The following TRIP11 variants were observed in gnomAD, a reference collection of about 807,000 sequenced individuals.
TRIP11 encodes thyroid hormone receptor interactor 11.
TRIP11 carries 148 observed loss-of-function variants against 223.1 expected under a neutral mutation model. The observed-to-expected ratio is 0.66, with a 90% confidence interval of 0.58 to 0.76. The LOEUF (loss-of-function observed/expected upper bound fraction) is 0.76. TRIP11 is among the 30% of genes least tolerant of loss of function. The pLI is 0.00. For missense variants in TRIP11, 2,043 were observed against 2,222.0 expected (o/e 0.92, Z 1.62); for synonymous variants, 762 against 772.6 (o/e 0.99, Z 0.23).
chr14:92,018,960 C>CAAAAA (rs567152333), intron 4 of TRIP11, among the ~76,000 whole-genome samples: 44 of 70,832 alleles, frequency 6.2e-4, no homozygotes, highest in Admixed American at 8.3e-4. Context: ...GACTCCATCT[C>CAAAAA]AAAAAAAAAA....
chr14:92,014,394 T>C lies in TRIP11; in HGVS notation c.1007A>G (p.Gln336Arg), dbSNP rs1185050739. The C allele has an allele frequency of 6.2e-7, 1 of 1,613,592 alleles. No individual in the cohort carries two copies. The change falls in exon 7 of 21, where the codon CAA (glutamine) becomes CGA (arginine). Residue 336 changes from glutamine (Q) to arginine (R), a missense_variant. Gln to Arg is a conservative substitution (Grantham distance 43). Coordinates refer to ENST00000267622, the MANE Select transcript of TRIP11 (RefSeq NM_004239.4). The stretch of plus-strand genomic sequence containing the variant: ...TCTCTTTTCCACATTTAGCTGTTCT[T>C]GTTCTCTCCTCAAAATATCTCTGTC... ...ENDRDILRREQEQLNVEKRQI... is the reference protein window; with the variant it reads ...ENDRDILRREREQLNVEKRQI...
intron 16 of TRIP11, among the ~76,000 whole-genome samples, chr14:91,980,327 A>G (rs538579707): frequency 6.6e-6 from 1 of 152,326 alleles, no homozygotes; most frequent in African/African-American, 2.4e-5. Context: ...AGTCATTTGG[A>G]TATTTCATGA....
At chr14:91,990,352 G>C (rs1346242624) in intron 15 of TRIP11, among the ~76,000 whole-genome samples, 3 of 151,920 alleles carry the variant, frequency 2.0e-5, no homozygotes, top group Non-Finnish European at 2.9e-5. Flanking sequence ...TCAGCATTTA[G>C]ATTTTGTTAT....
At chr14:91,992,569 G>A (rs931721525) in intron 15 of TRIP11, among the ~76,000 whole-genome samples, 1 of 152,054 alleles carries the variant, frequency 6.6e-6, no homozygotes, top group Non-Finnish European at 1.5e-5. Flanking sequence ...CTAATGTCAG[G>A]TAAATGAATT....
At chr14:92,024,186 T>C (rs1415995116) in intron 3 of TRIP11, among the ~76,000 whole-genome samples, 1 of 152,136 alleles carries the variant, frequency 6.6e-6, no homozygotes, top group Non-Finnish European at 1.5e-5. Context: ...AAGACCAGCC[T>C]GGCCAACGTG....
chr14:92,009,922 A>G (rs74073683), intron 9 of TRIP11, among the ~76,000 whole-genome samples: 2,014 of 152,346 alleles, frequency 0.013, 30 homozygotes, highest in African/African-American at 0.045. Context: ...CCACAGAGGT[A>G]CAAAAGATAC....
chr14:92,018,960 C>CAAAAAAAAAAA (rs567152333), intron 4 of TRIP11, among the ~76,000 whole-genome samples: 6 of 70,878 alleles, frequency 8.5e-5, no homozygotes, highest in African/African-American at 9.6e-5. Flanking sequence ...GACTCCATCT[C>CAAAAAAAAAAA]AAAAAAAAAA....
chr14:91,984,138 G>A (rs1220599367), intron 16 of TRIP11, among the ~76,000 whole-genome samples: 1 of 151,778 alleles, frequency 6.6e-6, no homozygotes, highest in Admixed American at 6.6e-5. Flanking sequence ...TCAGATACAG[G>A]TATAAACTAG....
chr14:92,007,531 G>A, intron 10 of TRIP11, 109 bp downstream of exon 10: 1 of 1,203,286 alleles, frequency 8.3e-7, no homozygotes. Flanking sequence ...TTACCAAAAA[G>A]GTTTGTCAAT....
At chr14:92,015,457 G>A (rs1030469613) in intron 6 of TRIP11, among the ~76,000 whole-genome samples, 1 of 151,928 alleles carries the variant, frequency 6.6e-6, no homozygotes, top group African/African-American at 2.4e-5. Context: ...TCACGAGTTT[G>A]GGACCAGCCT....
rs2056349271 is a variant in TRIP11 at position 91,967,135 on chromosome 14, C to CTTTTTTTTTTTTTTTTTTTTTTATT, written c.*2537_*2538insAATAAAAAAAAAAAAAAAAAAAAAA. The CTTTTTTTTTTTTTTTTTTTTTTATT allele has an allele frequency of 1.2e-5, 1 of 85,354 alleles. No homozygotes were observed. Among genetic ancestry groups the CTTTTTTTTTTTTTTTTTTTTTTATT allele is most frequent in the Non-Finnish European group, 2.1e-5 (1 of 47,996 alleles). 5.3% of individuals were successfully genotyped at this position (85,354 alleles called of 1,614,324 possible). A position where few individuals can be genotyped will look rare whatever the true frequency, so the allele number is the denominator to read the frequency against. On this transcript the variant is annotated 3_prime_UTR_variant, in exon 21 of 21. Coordinates refer to ENST00000267622, the MANE Select transcript of TRIP11 (RefSeq NM_004239.4). ...ACAATGAAAACATTAGGTACTATAGCTTTTTTTTTTTTTTTTTTTTTTTTG... is the reference window on the plus strand; with the variant it reads ...ACAATGAAAACATTAGGTACTATAGCTTTTTTTTTTTTTTTTTTTTTTATTTTTTTTTTTTTTTTTTTTTTTTTTG...
At position 92,010,597 on chromosome 14, in the gene TRIP11, A is replaced by G. The variant is rs574652915; in HGVS notation, c.1314+389T>C. Among the ~76,000 whole-genome samples the G allele has an allele frequency of 9.9e-5, 15 of 152,230 alleles. No homozygotes were observed. The South Asian group carries it at 1.9e-3, about 19-fold the overall frequency. ...TTGCTCTTTATGCCTCACCACTAAG[A>G]AAGTACTGTCCACCAAAATGGACAC... On this transcript the variant is annotated intron_variant, in intron 9 of 20. Transcript: ENST00000267622.
At chr14:91,986,592 C>A (rs1167781407) in intron 16 of TRIP11, among the ~76,000 whole-genome samples, 1 of 152,146 alleles carries the variant, frequency 6.6e-6, no homozygotes, top group Admixed American at 6.5e-5. Context: ...TTGGGAATTA[C>A]TTAGGTAGGT....
chr14:92,015,450 C>G (rs1174098305), intron 6 of TRIP11, among the ~76,000 whole-genome samples: 2 of 151,858 alleles, frequency 1.3e-5, no homozygotes, highest in African/African-American at 4.8e-5. Context: ...CCCGAGATCA[C>G]GAGTTTGGGA....
Position 92,000,021 on chromosome 14 carries a change from C to A in TRIP11, c.4645G>T (p.Val1549Phe), listed in dbSNP as rs1050073683. ...TGTTTTTGTTTCAGGGCCAACATGACTTGGTCTCTCTCCTGTTGAAACACA... is the reference window on the plus strand; with the variant it reads ...TGTTTTTGTTTCAGGGCCAACATGAATTGGTCTCTCTCCTGTTGAAACACA... Reference protein sequence around the residue: ...TVVFQQERDQVMLALKQKQME... With the variant: ...TVVFQQERDQFMLALKQKQME... Residue 1549 changes from valine to phenylalanine, a missense_variant, in exon 12 of 21, where the codon GTC becomes TTC. By Grantham distance (50) the Val-to-Phe change is conservative. Transcript: ENST00000267622. The A allele has an allele frequency of 2.5e-6, 4 of 1,613,892 alleles. No homozygotes were observed. Among genetic ancestry groups the A allele is most frequent in the Admixed American group, 1.7e-5 (1 of 60,012 alleles).
intron 5 of TRIP11, among the ~76,000 whole-genome samples, chr14:92,017,010 A>G (rs527250630): frequency 1.4e-4 from 22 of 152,338 alleles, no homozygotes; most frequent in South Asian, 6.2e-4. Flanking sequence ...CTAAGGTAAA[A>G]TAAGTATTTC....
At chr14:92,024,546 C>T (rs1219679650) in intron 3 of TRIP11, among the ~76,000 whole-genome samples, 2 of 152,104 alleles carry the variant, frequency 1.3e-5, no homozygotes, top group African/African-American at 4.8e-5. Context: ...ATACTTTTAT[C>T]TTTCACCTTA....
Position 91,978,459 on chromosome 14 carries a change from CAT to C in TRIP11, c.5261-2272_5261-2271del. ...AAATTAGTAATTTGTATATTGATTA[CAT>C]GTCTATATAATAATTTGGTTATACT... On this transcript the variant is annotated intron_variant, in intron 16 of 20. Coordinates refer to ENST00000267622, the MANE Select transcript of TRIP11 (RefSeq NM_004239.4). The surrounding 1 kb of genome is among the most constrained non-coding windows in gnomAD (Gnocchi z 4.4). Among the ~76,000 whole-genome samples, 1 of 152,206 alleles carries C rather than the reference CAT, an allele frequency of 6.6e-6. No homozygotes were observed. The highest frequency in any genetic ancestry group is 1.9e-4 in the East Asian group (1 of 5,190).
chr14:92,001,604 T>C (rs1261840992), intron 11 of TRIP11, among the ~76,000 whole-genome samples: 1 of 152,204 alleles, frequency 6.6e-6, no homozygotes, highest in Non-Finnish European at 1.5e-5. Flanking sequence ...TTAGCTAACT[T>C]AGGGAAGCTT....
Sources: allele counts gnomAD v4.1 joint callset (sites outside exome capture counted in the v4.1 genomes callset), GRCh38; gene constraint gnomAD v4.1.1; non-coding constraint Gnocchi (gnomAD v3.1); transcripts MANE v1.5; gene names NCBI Gene and HGNC (gene_info 2026-07-23, HGNC 2026-07-21).